Variants in ADAM32 observed in about 807,000 individuals in gnomAD.
The protein encoded by ADAM32 is disintegrin and metalloproteinase domain-containing protein 32.
In ADAM32, 89 loss-of-function variants were observed where a neutral mutation model predicts 114.9. That is an observed-to-expected ratio of 0.77 (90% CI 0.65 to 0.92). ADAM32 has a LOEUF of 0.92. Among genes scored for constraint, ADAM32 ranks in the 40% least tolerant of loss-of-function variants. The pLI is 0.00. For missense variants in ADAM32, 870 were observed against 932.8 expected, an observed-to-expected ratio of 0.93 and a Z score of 0.88; for synonymous variants, 285 against 307.5, an observed-to-expected ratio of 0.93 and a Z score of 0.77.
chr8:39,257,479 T>A, intron 19 of ADAM32, 136 bp downstream of exon 19: 1 of 1,108,420 alleles, frequency 9.0e-7, no homozygotes, highest in Non-Finnish European at 1.2e-6. Flanking sequence ...GTCATTTAAT[T>A]TTATGAGGTA....
At chr8:39,270,946 A>G (rs370825727) in intron 20 of ADAM32, 32 bp downstream of exon 20, 8 of 1,578,626 alleles carry the variant, frequency 5.1e-6, no homozygotes, top group Admixed American at 3.6e-5. Context: ...TTTAAGATAC[A>G]TGTTGAAAAT....
chr8:39,197,050 C>G lies in ADAM32; in HGVS notation c.1052+10005C>G, dbSNP rs537718395. ...ATTAGATTGTTCAGGTTTTCTATTTCTTCCTTGTTCAATCTTGGCAGGTTG... is the reference window on the plus strand; with the variant it reads ...ATTAGATTGTTCAGGTTTTCTATTTGTTCCTTGTTCAATCTTGGCAGGTTG... On this transcript the variant is annotated intron_variant, in intron 11 of 24. Coordinates refer to ENST00000379907, the MANE Select transcript of ADAM32 (RefSeq NM_145004.7). Among the ~76,000 whole-genome samples, 21 of 152,122 alleles carry G rather than the reference C, an allele frequency of 1.4e-4. No homozygotes were observed. In the East Asian group the frequency reaches 2.5e-3, roughly 18 times the overall value.
At chr8:39,280,409 G>T (rs1813350629) in intron 22 of ADAM32, among the ~76,000 whole-genome samples, 1 of 152,150 alleles carries the variant, frequency 6.6e-6, no homozygotes, top group Admixed American at 6.5e-5. Context: ...TGTCCAGTCT[G>T]CCAAACTGGT....
chr8:39,172,235 T>G (rs1262544369), intron 10 of ADAM32, among the ~76,000 whole-genome samples: 1 of 152,180 alleles, frequency 6.6e-6, no homozygotes, highest in Admixed American at 6.5e-5. Flanking sequence ...CTTGGAATCT[T>G]TTACTACTTT....
At chr8:39,256,063 C>G (rs1250916723) in intron 18 of ADAM32, among the ~76,000 whole-genome samples, 1 of 151,928 alleles carries the variant, frequency 6.6e-6, no homozygotes. Flanking sequence ...TCTGGATTCC[C>G]TATTCCATTC....
At chr8:39,206,172 T>A (rs1807820443) in intron 11 of ADAM32, among the ~76,000 whole-genome samples, 1 of 152,192 alleles carries the variant, frequency 6.6e-6, no homozygotes, top group Admixed American at 6.5e-5. Context: ...GTTTATGAGT[T>A]CCCCAGTAGC....
chr8:39,173,977 G>T (rs990727714), intron 10 of ADAM32, among the ~76,000 whole-genome samples: 1 of 152,072 alleles, frequency 6.6e-6, no homozygotes, highest in African/African-American at 2.4e-5. Flanking sequence ...GACGTGCACT[G>T]CCACACTTGG....
At chr8:39,157,983 C>T (rs1804242903) in intron 6 of ADAM32, 1 of 319,052 alleles carries the variant, frequency 3.1e-6, no homozygotes, top group South Asian at 3.5e-5. Context: ...CAACCTTCCA[C>T]AGCCCTCAGT....
At chr8:39,268,709 A>G (rs1001424676) in intron 19 of ADAM32, among the ~76,000 whole-genome samples, 1 of 152,208 alleles carries the variant, frequency 6.6e-6, no homozygotes, top group African/African-American at 2.4e-5. Flanking sequence ...TTCTTCTAAA[A>G]GTTTCAAAGT....
intron 2 of ADAM32, among the ~76,000 whole-genome samples, chr8:39,133,372 C>T (rs1802583157): frequency 6.6e-6 from 1 of 152,222 alleles, no homozygotes; most frequent in African/African-American, 2.4e-5. Context: ...ATGATTTCTT[C>T]AACTATAATC....
chr8:39,206,263 C>T (rs11994110), intron 11 of ADAM32, among the ~76,000 whole-genome samples: 12,927 of 152,124 alleles, frequency 0.085, 1,846 homozygotes, highest in African/African-American at 0.29. Context: ...CTTCAGCACC[C>T]GTGGTGGTGG....
rs753543777 is a variant in ADAM32 at position 39,232,059 on chromosome 8, G to T, written c.1558G>T (p.Glu520Ter). The T allele has an allele frequency of 6.2e-7, 1 of 1,612,384 alleles. No homozygotes were observed. The highest frequency in any genetic ancestry group is 1.7e-5 in the Admixed American group (1 of 59,864). ...SRNAPFACYE[E>*]IQSQSDRFGN... is the part of the protein sequence containing the mutation. The stretch of plus-strand genomic sequence containing the variant: ...AAATGCTCCATTTGCCTGCTATGAA[G>T]AAATACAATCTCAATCAGACAGATT... The change falls in exon 15 of 25, where the codon GAA (glutamate) becomes TAA (stop). Residue 520 changes from glutamate to a stop codon, truncating the protein, a stop_gained. Coordinates refer to ENST00000379907, the MANE Select transcript of ADAM32 (RefSeq NM_145004.7). LOFTEE classifies it high-confidence loss of function.
chr8:39,212,298 G>C (rs1808278431), intron 12 of ADAM32, among the ~76,000 whole-genome samples: 1 of 152,144 alleles, frequency 6.6e-6, no homozygotes, highest in African/African-American at 2.4e-5. Flanking sequence ...GCAGGCATGA[G>C]CTACCACACC....
chr8:39,167,931 G>A (rs927619218), intron 9 of ADAM32: 2 of 152,036 alleles, frequency 1.3e-5, no homozygotes, highest in Admixed American at 6.6e-5. Context: ...AGATCTAGGA[G>A]CTTTCTGGAG....
intron 14 of ADAM32, 132 bp downstream of exon 14, chr8:39,223,370 T>C: frequency 2.5e-6 from 1 of 407,440 alleles, no homozygotes; most frequent in Non-Finnish European, 4.0e-6. Flanking sequence ...ATTGTTTATA[T>C]ATATTTTATT....
chr8:39,184,492 A>C (rs1461562183), intron 10 of ADAM32, among the ~76,000 whole-genome samples: 1 of 152,220 alleles, frequency 6.6e-6, no homozygotes. Flanking sequence ...GACCTCCATA[A>C]GCCTGCACTT....
At chr8:39,118,993 G>T (rs549272902) in intron 2 of ADAM32, among the ~76,000 whole-genome samples, 2 of 152,254 alleles carry the variant, frequency 1.3e-5, no homozygotes, top group South Asian at 4.1e-4. Context: ...TTATATAAAT[G>T]GCAGCATGCA....
intron 5 of ADAM32, among the ~76,000 whole-genome samples, chr8:39,150,142 T>C (rs1023520992): frequency 1.3e-5 from 2 of 152,164 alleles, no homozygotes; most frequent in African/African-American, 4.8e-5. Context: ...TTGAACATGT[T>C]TGACTACAAG....
chr8:39,250,613 T>C lies in ADAM32; in HGVS notation c.1903-3801T>C, dbSNP rs12543315. Among the ~76,000 whole-genome samples, 546 of 152,172 alleles carry C rather than the reference T, an allele frequency of 3.6e-3. 13 individuals carry two copies. The highest frequency in any genetic ancestry group is 0.03 in the Admixed American group (462 of 15,274). On this transcript the variant is annotated intron_variant, in intron 17 of 24. Coordinates refer to ENST00000379907, the MANE Select transcript of ADAM32 (RefSeq NM_145004.7). ...TATAAATGATAATACATTCATATAA[T>C]TCATAAAAATCAAATCAGTATAATT...
Sources: gnomAD v4.1 joint callset for allele counts (sites outside exome capture counted in the v4.1 genomes callset) on GRCh38, gnomAD v4.1.1 for gene constraint, MANE v1.5 for transcripts, NCBI Gene and HGNC (gene_info 2026-07-23, HGNC 2026-07-21) for gene names.